The following RAB15 variants were observed in gnomAD, a reference collection of about 807,000 sequenced individuals.
The protein encoded by RAB15 is RAB15, member RAS oncogene family, also known as ras-related protein Rab-15.
Under a neutral mutation model 31.8 loss-of-function variants are expected in RAB15, and 13 were observed. That is an observed-to-expected ratio of 0.41 (90% CI 0.27 to 0.65). RAB15 has a LOEUF of 0.65. Among genes scored for constraint, RAB15 ranks in the 30% least tolerant of loss-of-function variants. The pLI, the probability that RAB15 is intolerant of heterozygous loss-of-function variation, is 0.32. For missense variants in RAB15, 220 were observed against 277.3 expected (o/e 0.79, Z 1.47); for synonymous variants, 100 against 105.6 (o/e 0.95, Z 0.33).
chr14:64,950,391 C>T lies in RAB15; in HGVS notation c.348G>A (p.Lys116=), dbSNP rs760352180. The T allele has an allele frequency of 5.6e-6, 9 of 1,613,972 alleles. No individual in the cohort carries two copies. Among genetic ancestry groups the T allele is most frequent in the Middle Eastern group, 1.6e-4 (1 of 6,074 alleles). ...CATCAGCCTTATTCCCAATAAGGAT[C>T]TTCTGGACGCCTTCTGGTGCGTACT... ...VDEYAPEGVQ[K]ILIGNKADEE... is the part of the protein sequence containing the mutation. The change falls in exon 5 of 7, where the codon AAG becomes AAA. Residue 116 remains lysine (K), a synonymous_variant. Coordinates refer to ENST00000533601, the MANE Select transcript of RAB15 (RefSeq NM_001308154.2). The surrounding 1 kb of genome is among the most constrained non-coding windows in gnomAD (Gnocchi z 5.6).
chr14:64,959,223 G>A (rs1886731171), intron 1 of RAB15, among the ~76,000 whole-genome samples: 1 of 152,206 alleles, frequency 6.6e-6, no homozygotes, highest in Non-Finnish European at 1.5e-5. Flanking sequence ...GTCCAGACCA[G>A]ACTCCAAGTT....
At position 64,966,697 on chromosome 14, in the gene RAB15, C is replaced by T. The variant is rs536860279; in HGVS notation, c.124+5256G>A. On this transcript the variant is annotated intron_variant, in intron 1 of 6. Transcript: ENST00000533601. Reference sequence around the variant, plus strand: ...TCAATTTACAGATGCAGAAACGAAGCACAAAGATGTCATCAAAGTGTCTGA... The same window carrying T: ...TCAATTTACAGATGCAGAAACGAAGTACAAAGATGTCATCAAAGTGTCTGA... Among the ~76,000 whole-genome samples the T allele has an allele frequency of 5.9e-5, 9 of 152,238 alleles. No homozygotes were observed. The South Asian group carries it at 1.9e-3, about 32-fold the overall frequency.
rs1566850703 is a variant in RAB15 at position 64,968,949 on chromosome 14, C to T, written c.124+3004G>A. 6.6e-6 allele frequency among the ~76,000 whole-genome samples: 1 copy of T among 152,182 alleles called. No individual in the cohort carries two copies. The highest frequency in any genetic ancestry group is 1.5e-5 in the Non-Finnish European group (1 of 68,036). ...AGGGAGGCCTCTCACTGCTCCCTGG[C>T]GGGTTCTTCTCTAGAAGATCGCAGG... On this transcript the variant is annotated intron_variant, in intron 1 of 6. Coordinates refer to ENST00000533601, the MANE Select transcript of RAB15 (RefSeq NM_001308154.2). The surrounding 1 kb of genome is among the most constrained non-coding windows in gnomAD (Gnocchi z 4.9).
rs1015932055 is a variant in RAB15, at chr14:64,962,684, G to A, written c.124+9269C>T. ...AGGTAGAGGAAGCAGCAAAGATCCTGTGGCAGGACACATTTCAGTCAAACT... is the reference window on the plus strand; with the variant it reads ...AGGTAGAGGAAGCAGCAAAGATCCTATGGCAGGACACATTTCAGTCAAACT... On this transcript the variant is annotated intron_variant, in intron 1 of 6. Transcript: ENST00000533601. This position sits in a 1 kb window ranked among gnomAD's most constrained non-coding sequence, Gnocchi z 4.2. 3.9e-5 allele frequency among the ~76,000 whole-genome samples: 6 copies of A among 152,206 alleles called. No homozygotes were observed. The highest frequency in any genetic ancestry group is 3.9e-4 in the Admixed American group (6 of 15,290).
At position 64,968,784 on chromosome 14, in the gene RAB15, G is replaced by A. The variant is rs190327878; in HGVS notation, c.124+3169C>T. On this transcript the variant is annotated intron_variant, in intron 1 of 6. Coordinates refer to ENST00000533601, the MANE Select transcript of RAB15 (RefSeq NM_001308154.2). This position sits in a 1 kb window ranked among gnomAD's most constrained non-coding sequence, Gnocchi z 4.9. The stretch of plus-strand genomic sequence containing the variant: ...AAGGTAGTATTTTGGGGACCCCTTC[G>A]CACCAACCCCCAGCCAGGCCAGCAC... Among the ~76,000 whole-genome samples, 2 of 152,262 alleles carry A rather than the reference G, an allele frequency of 1.3e-5. No individual in the cohort carries two copies. The highest frequency in any genetic ancestry group is 1.9e-4 in the East Asian group (1 of 5,180).
At position 64,970,303 on chromosome 14, in the gene RAB15, T is replaced by C. The variant is rs1887353889; in HGVS notation, c.124+1650A>G. Among the ~76,000 whole-genome samples, 1 of 152,224 alleles carries C rather than the reference T, an allele frequency of 6.6e-6. No individual in the cohort carries two copies. The highest frequency in any genetic ancestry group is 1.5e-5 in the Non-Finnish European group (1 of 68,040). On this transcript the variant is annotated intron_variant, in intron 1 of 6. Transcript: ENST00000533601. This position sits in a 1 kb window ranked among gnomAD's most constrained non-coding sequence, Gnocchi z 4.1. ...GTCCTCATACACCATCTGGTTCCTCTGCCACTTCCTCCATCACGCCCATGC... is the reference window on the plus strand; with the variant it reads ...GTCCTCATACACCATCTGGTTCCTCCGCCACTTCCTCCATCACGCCCATGC...
In RAB15 at chr14:64,953,818, G is replaced by T; in HGVS notation, c.125-1247C>A. On this transcript the variant is annotated intron_variant, in intron 1 of 6. Coordinates refer to ENST00000533601, the MANE Select transcript of RAB15 (RefSeq NM_001308154.2). The surrounding 1 kb of genome is among the most constrained non-coding windows in gnomAD (Gnocchi z 4.6). The stretch of plus-strand genomic sequence containing the variant: ...TGTGTACTCCCTGGAGCAAGGTCAG[G>T]AGTGGGCATGATCAGCCACAGTTTT... 1.0e-6 allele frequency: 1 copy of T among 985,388 alleles called. No homozygotes were observed. The highest frequency in any genetic ancestry group is 1.2e-6 in the Non-Finnish European group (1 of 829,920). 61.0% of individuals were successfully genotyped at this position (985,388 alleles called of 1,614,324 possible).
Position 64,950,193 on chromosome 14 carries a change from G to T in RAB15, c.414+132C>A. On this transcript the variant is annotated intron_variant, in intron 5 of 6. Transcript: ENST00000533601. The surrounding 1 kb of genome is among the most constrained non-coding windows in gnomAD (Gnocchi z 5.6). ...CCTTCCGAGGATGGCCACTCCCCCA[G>T]GGCCTTGGGGTGCTGGGGACGTGTG... 1.3e-6 allele frequency: 1 copy of T among 768,106 alleles called. No individual in the cohort carries two copies. Among genetic ancestry groups the T allele is most frequent in the South Asian group, 1.5e-5 (1 of 67,088 alleles). The allele number at this position is 768,106 out of a possible 1,614,324, so 47.6% of individuals were successfully genotyped here. A position where few individuals can be genotyped will look rare whatever the true frequency, so the allele number is the denominator to read the frequency against.
At chr14:64,949,316 A>G (rs1331569651) in intron 5 of RAB15, among the ~76,000 whole-genome samples, 4 of 152,160 alleles carry the variant, frequency 2.6e-5, no homozygotes, top group African/African-American at 9.7e-5. Flanking sequence ...CATGTCTTAT[A>G]TTTTATACCA....
In RAB15 at chr14:64,955,387, G is replaced by A. The variant is rs979614305; in HGVS notation, c.125-2816C>T. Among the ~76,000 whole-genome samples the A allele has an allele frequency of 5.9e-5, 9 of 152,096 alleles. No homozygotes were observed. Among genetic ancestry groups the A allele is most frequent in the South Asian group, 2.1e-4 (1 of 4,830 alleles). ...AGTCAAGCCCTGGCCCCAGTAACCC[G>A]TGCCCATCGTGGCTCCTTCCCTCTC... On this transcript the variant is annotated intron_variant, in intron 1 of 6. Coordinates refer to ENST00000533601, the MANE Select transcript of RAB15 (RefSeq NM_001308154.2). The surrounding 1 kb of genome is among the most constrained non-coding windows in gnomAD (Gnocchi z 4.4).
rs771567708 is a variant in RAB15 at position 64,950,929 on chromosome 14, C to T, written c.324+145G>A. The T allele has an allele frequency of 2.5e-6, 4 of 1,588,974 alleles. No homozygotes were observed. The highest frequency in any genetic ancestry group is 2.2e-5 in the South Asian group (2 of 89,790). The stretch of plus-strand genomic sequence containing the variant: ...GGCATGGCAGCTTCGGTTTCTTCCC[C>T]ATGTCTTACTCACCCAGAGGTCTTC... On this transcript the variant is annotated intron_variant, in intron 4 of 6. Coordinates refer to ENST00000533601, the MANE Select transcript of RAB15 (RefSeq NM_001308154.2). The surrounding 1 kb of genome is among the most constrained non-coding windows in gnomAD (Gnocchi z 5.6).
rs774864247 is a variant in RAB15 at position 64,950,939 on chromosome 14, T to C, written c.324+135A>G. ...CTTCGGTTTCTTCCCCATGTCTTAC[T>C]CACCCAGAGGTCTTCATCCAGGGCT... is the stretch of plus-strand genomic sequence containing the variant. On this transcript the variant is annotated intron_variant, in intron 4 of 6. Transcript: ENST00000533601. The surrounding 1 kb of genome is among the most constrained non-coding windows in gnomAD (Gnocchi z 5.6). 42 of 1,602,598 alleles carry C rather than the reference T, an allele frequency of 2.6e-5. No homozygotes were observed. Among genetic ancestry groups the C allele is most frequent in the Middle Eastern group, 3.3e-4 (2 of 6,036 alleles).
chr14:64,964,948 AT>A (rs142570659), intron 1 of RAB15, among the ~76,000 whole-genome samples: 3,535 of 135,358 alleles, frequency 0.026, 45 homozygotes, highest in Non-Finnish European at 0.041. Flanking sequence ...GTTCTCAGTA[AT>A]TTTTTTTTTT....
chr14:64,957,591 A>G (rs1886646460), intron 1 of RAB15, among the ~76,000 whole-genome samples: 1 of 152,210 alleles, frequency 6.6e-6, no homozygotes, highest in Admixed American at 6.5e-5. Flanking sequence ...TTGTCTTTAC[A>G]GCATACCCCT....
In RAB15 at chr14:64,951,555, G is replaced by A; in HGVS notation, c.246+48C>T. 6.6e-7 allele frequency: 1 copy of A among 1,511,594 alleles called. No individual in the cohort carries two copies. The highest frequency in any genetic ancestry group is 2.3e-5 in the East Asian group (1 of 44,426). The allele number at this position is 1,511,594 out of a possible 1,614,324, so 93.6% of individuals were successfully genotyped here. On this transcript the variant is annotated intron_variant, in intron 3 of 6. Transcript: ENST00000533601. The surrounding 1 kb of genome is among the most constrained non-coding windows in gnomAD (Gnocchi z 7.2). ...ACATCTCAAATACCCAGAGCTGGGA[G>A]TGTGGGTGGCAGCTTCCCACTTTGA...
chr14:64,965,517 A>T (rs1887089976), intron 1 of RAB15, among the ~76,000 whole-genome samples: 1 of 152,136 alleles, frequency 6.6e-6, no homozygotes, highest in Admixed American at 6.5e-5. Flanking sequence ...CCTCAGTGGG[A>T]GGAATTACGT....
At position 64,971,752 on chromosome 14, in the gene RAB15, C is replaced by G. The variant is rs1887430878; in HGVS notation, c.124+201G>C. 3 of 585,072 alleles carry G rather than the reference C, an allele frequency of 5.1e-6. No individual in the cohort carries two copies. Among genetic ancestry groups the G allele is most frequent in the Non-Finnish European group, 9.1e-6 (3 of 330,960 alleles). The allele number at this position is 585,072 out of a possible 1,614,324, so 36.2% of individuals were successfully genotyped here. ...CCGGCAAGAGGCGGGAGACCCCACC[C>G]CTGGTCCGGACGGCAGGCAGCAGGG... On this transcript the variant is annotated intron_variant, in intron 1 of 6. Coordinates refer to ENST00000533601, the MANE Select transcript of RAB15 (RefSeq NM_001308154.2). This position sits in a 1 kb window ranked among gnomAD's most constrained non-coding sequence, Gnocchi z 4.1.
intron 1 of RAB15, among the ~76,000 whole-genome samples, chr14:64,963,145 G>T (rs1397206214): frequency 7.8e-6 from 1 of 128,790 alleles, no homozygotes; most frequent in Non-Finnish European, 1.6e-5. Context: ...TTGAGACAGG[G>T]TCTCACTCTG....
rs149375614 is a variant in RAB15 at position 64,953,579 on chromosome 14, T to C, written c.125-1008A>G. Among the ~76,000 whole-genome samples, 447 of 152,162 alleles carry C rather than the reference T, an allele frequency of 2.9e-3. 4 individuals carry two copies. Among genetic ancestry groups the C allele is most frequent in the African/African-American group, 0.01 (423 of 41,508 alleles). ...CACGAGACACAAGAAACCGAAGGGA[T>C]TTGGCAAATGCGTGCAGGGCAGAAA... On this transcript the variant is annotated intron_variant, in intron 1 of 6. Coordinates refer to ENST00000533601, the MANE Select transcript of RAB15 (RefSeq NM_001308154.2). This position sits in a 1 kb window ranked among gnomAD's most constrained non-coding sequence, Gnocchi z 4.6.
Sources: gnomAD v4.1 joint callset for allele counts (sites outside exome capture counted in the v4.1 genomes callset) on GRCh38, gnomAD v4.1.1 for gene constraint, Gnocchi (gnomAD v3.1) non-coding constraint, MANE v1.5 for transcripts, NCBI Gene and HGNC (gene_info 2026-07-23, HGNC 2026-07-21) for gene names.